The following POU2F1 variants were observed in gnomAD, a reference collection of about 807,000 sequenced individuals.
POU2F1 encodes POU class 2 homeobox 1, also known as POU domain, class 2, transcription factor 1.
In POU2F1, 16 loss-of-function variants were observed where a neutral mutation model predicts 84.9. The observed-to-expected ratio is 0.19, with a 90% confidence interval of 0.13 to 0.29. The LOEUF is 0.29. Ranked by LOEUF, POU2F1 falls within the 10% of genes least tolerant of loss-of-function variation. The pLI is 1.00. For missense variants in POU2F1, 738 were observed against 942.6 expected (o/e 0.78, Z 2.84); for synonymous variants, 368 against 368.3 (o/e 1.00, Z 0.01).
chr1:167,347,983 A>G (rs1658307872), intron 2 of POU2F1, among the ~76,000 whole-genome samples: 1 of 152,174 alleles, frequency 6.6e-6, no homozygotes, highest in Admixed American at 6.5e-5. Context: ...TCTTGTGAAT[A>G]ATGCTGCTGT....
chr1:167,387,887 A>C (rs1178952484), intron 8 of POU2F1, among the ~76,000 whole-genome samples: 1 of 152,222 alleles, frequency 6.6e-6, no homozygotes, highest in African/African-American at 2.4e-5. Flanking sequence ...ATGGATTTAA[A>C]TAATCAAATA....
intron 12 of POU2F1, among the ~76,000 whole-genome samples, chr1:167,401,040 T>A (rs1301315830): frequency 2.0e-5 from 3 of 152,332 alleles, no homozygotes; most frequent in South Asian, 2.1e-4. Flanking sequence ...CCGTTTTTTT[T>A]AAAAGTTTGC....
chr1:167,269,335 G>A (rs1220453684), intron 1 of POU2F1, among the ~76,000 whole-genome samples: 1 of 152,216 alleles, frequency 6.6e-6, no homozygotes, highest in Non-Finnish European at 1.5e-5. Flanking sequence ...CTAGGTATTT[G>A]CCTACTGTTA....
At chr1:167,375,861 G>A (rs1052317050) in intron 6 of POU2F1, among the ~76,000 whole-genome samples, 168 bp from the exon 7 acceptor site, 3 of 152,180 alleles carry the variant, frequency 2.0e-5, no homozygotes, top group East Asian at 1.9e-4. Context: ...GTTGCTTCAC[G>A]TGCTTTGTCA....
At chr1:167,389,475 A>T (rs931975752) in intron 8 of POU2F1, 113 bp from the exon 9 acceptor site, 3 of 1,105,704 alleles carry the variant, frequency 2.7e-6, no homozygotes, top group Non-Finnish European at 4.0e-6. Context: ...GTAGTGTTAC[A>T]TGGTCTTCAT....
Position 167,421,539 on chromosome 1 carries a change from G to A in POU2F1, c.*5729G>A, listed in dbSNP as rs2101966087. ...GTTTTCTTCTAACCTTATTCATTAA[G>A]TAGTTCCTTGTTTTGGCCCTTCTAC... On this transcript the variant is annotated 3_prime_UTR_variant, in exon 16 of 16. Coordinates refer to ENST00000367866, the MANE Select transcript of POU2F1 (RefSeq NM_002697.4). 6.6e-6 allele frequency: 1 copy of A among 152,246 alleles called. No individual in the cohort carries two copies. The highest frequency in any genetic ancestry group is 6.5e-5 in the Admixed American group (1 of 15,288). The allele number at this position is 152,246 out of a possible 1,614,324, so 9.4% of individuals were successfully genotyped here. A position where few individuals can be genotyped will look rare whatever the true frequency, so the allele number is the denominator to read the frequency against.
intron 12 of POU2F1, among the ~76,000 whole-genome samples, chr1:167,400,249 A>G (rs1220733494): frequency 6.6e-6 from 1 of 150,670 alleles, no homozygotes; most frequent in Non-Finnish European, 1.5e-5. Flanking sequence ...CAGCCTCCCA[A>G]AGTCCCAACG....
In POU2F1 at chr1:167,356,692, G is replaced by A. The variant is rs1361751861; in HGVS notation, c.128-8775G>A. On this transcript the variant is annotated intron_variant, in intron 2 of 15. Coordinates refer to ENST00000367866, the MANE Select transcript of POU2F1 (RefSeq NM_002697.4). ...CAAGGCAAGTTTCAGAGCATGGGTG[G>A]AAGTTTACTTACAAAGGCTTTAGAA... Among the ~76,000 whole-genome samples the A allele has an allele frequency of 2.0e-5, 3 of 152,200 alleles. No homozygotes were observed. The East Asian group carries it at 5.8e-4, about 29-fold the overall frequency.
intron 6 of POU2F1, among the ~76,000 whole-genome samples, chr1:167,374,977 G>A (rs1215689429): frequency 6.6e-6 from 1 of 151,582 alleles, no homozygotes; most frequent in South Asian, 2.1e-4. Context: ...TGAGGCAGGA[G>A]AATAGCGTGA....
chr1:167,329,003 G>T, intron 1 of POU2F1: 3 of 1,065,438 alleles, frequency 2.8e-6, no homozygotes, highest in Non-Finnish European at 3.4e-6. Context: ...TCATGCTTCA[G>T]TTGCCTTGAC....
At chr1:167,254,408 C>T (rs1438435540) in intron 1 of POU2F1, among the ~76,000 whole-genome samples, 1 of 152,176 alleles carries the variant, frequency 6.6e-6, no homozygotes, top group African/African-American at 2.4e-5. Flanking sequence ...GTGTCTGGCC[C>T]TGAAGGTGGG....
intron 1 of POU2F1, among the ~76,000 whole-genome samples, chr1:167,299,906 A>C (rs1382600510): frequency 3.9e-5 from 6 of 152,124 alleles, no homozygotes; most frequent in Non-Finnish European, 8.8e-5. Flanking sequence ...TAGGGGCCAA[A>C]AAAGTGCATT....
In POU2F1 at chr1:167,418,201, T is replaced by TG. The variant is rs901343046; in HGVS notation, c.*2391_*2392insG. 8.5e-5 allele frequency: 13 copies of TG among 152,250 alleles called. No individual in the cohort carries two copies. The highest frequency in any genetic ancestry group is 3.1e-4 in the African/African-American group (13 of 41,466). The allele number at this position is 152,250 out of a possible 1,614,324, so 9.4% of individuals were successfully genotyped here. A position where few individuals can be genotyped will look rare whatever the true frequency, so the allele number is the denominator to read the frequency against. On this transcript the variant is annotated 3_prime_UTR_variant, in exon 16 of 16. Transcript: ENST00000367866. The stretch of plus-strand genomic sequence containing the variant: ...CAATTTCTTTTTCATTTGTCTTTAT[T>TG]AATTTTATATGAAAGTTGCTGCTTG...
At chr1:167,321,262 A>C (rs915554199) in intron 1 of POU2F1, among the ~76,000 whole-genome samples, 3 of 152,232 alleles carry the variant, frequency 2.0e-5, no homozygotes, top group Admixed American at 1.3e-4. Flanking sequence ...ACTGTTTAAC[A>C]TGCCTTGTGG....
chr1:167,264,067 T>C (rs551574572), intron 1 of POU2F1, among the ~76,000 whole-genome samples: 2 of 152,304 alleles, frequency 1.3e-5, no homozygotes, highest in African/African-American at 2.4e-5. Context: ...TTAACCACTA[T>C]ATATAGTAAA....
chr1:167,311,771 C>CATTCATTT lies in POU2F1; in HGVS notation c.62-20696_62-20695insCATTTATT, dbSNP rs1553206350. ...GCTACTATGGGTTATTACAAAAAATCATTTATTTATTTATTTATTTATTTA... is the reference window on the plus strand; with the variant it reads ...GCTACTATGGGTTATTACAAAAAATCATTCATTTATTTATTTATTTATTTATTTATTTA... On this transcript the variant is annotated intron_variant, in intron 1 of 15. Coordinates refer to ENST00000367866, the MANE Select transcript of POU2F1 (RefSeq NM_002697.4). 1.0e-4 allele frequency among the ~76,000 whole-genome samples: 15 copies of CATTCATTT among 144,730 alleles called. No individual in the cohort carries two copies. In the South Asian group the frequency reaches 2.9e-3, roughly 28 times the overall value. The allele number at this position is 144,730 out of a possible 152,430, so 94.9% of individuals were successfully genotyped here.
At chr1:167,290,056 G>A (rs1248400791) in intron 1 of POU2F1, among the ~76,000 whole-genome samples, 1 of 152,040 alleles carries the variant, frequency 6.6e-6, no homozygotes, top group African/African-American at 2.4e-5. Context: ...CCACAAATAC[G>A]TAATTATTTA....
Position 167,376,017 on chromosome 1 carries a change from C to T in POU2F1, c.592-12C>T. ...AGAATCTCCAATCCATGTTTTAATT[C>T]CAATTTTTCAGGATCTTCAACAACT... On this transcript the variant is annotated splice_polypyrimidine_tract_variant and intron_variant, in intron 6 of 15. Transcript: ENST00000367866. 1.2e-6 allele frequency: 2 copies of T among 1,613,734 alleles called. No homozygotes were observed. Among genetic ancestry groups the T allele is most frequent in the Non-Finnish European group, 1.7e-6 (2 of 1,179,784 alleles).
At chr1:167,314,382 C>T (rs910636719) in intron 1 of POU2F1, among the ~76,000 whole-genome samples, 3 of 152,194 alleles carry the variant, frequency 2.0e-5, no homozygotes, top group African/African-American at 7.2e-5. Context: ...AAAATAGTGA[C>T]AATACCAAAT....
Sources: allele counts gnomAD v4.1 joint callset (sites outside exome capture counted in the v4.1 genomes callset), GRCh38; gene constraint gnomAD v4.1.1; transcripts MANE v1.5; gene names NCBI Gene and HGNC (gene_info 2026-07-23, HGNC 2026-07-21).